Variants in SLC25A26 observed in about 807,000 individuals in gnomAD.
The protein encoded by SLC25A26 is mitochondrial S-adenosylmethionine carrier protein.
A neutral mutation model predicts 37.8 loss-of-function variants in SLC25A26; 36 were observed. That is an observed-to-expected ratio of 0.95 (90% CI 0.73 to 1.26). The LOEUF (loss-of-function observed/expected upper bound fraction) is 1.26. Ranked by LOEUF, SLC25A26 falls within the 50% of genes most tolerant of loss-of-function variation. The pLI, the probability that SLC25A26 is intolerant of heterozygous loss-of-function variation, is 0.00. For synonymous variants in SLC25A26, 129 were observed against 122.5 expected, an observed-to-expected ratio of 1.05 and a Z score of -0.35; for missense variants, 390 against 331.1, an observed-to-expected ratio of 1.18 and a Z score of -1.38.
intron 5 of SLC25A26, among the ~76,000 whole-genome samples, chr3:66,315,599 T>C (rs749917990): frequency 6.6e-6 from 1 of 152,200 alleles, no homozygotes; most frequent in Non-Finnish European, 1.5e-5. Flanking sequence ...TCTGTTGTTT[T>C]TGGGGAGAGA....
At chr3:66,320,709 A>G (rs902978762) in intron 5 of SLC25A26, among the ~76,000 whole-genome samples, 1 of 152,148 alleles carries the variant, frequency 6.6e-6, no homozygotes, top group Non-Finnish European at 1.5e-5. Flanking sequence ...CCAGCAATGT[A>G]TTAGGGTTCC....
rs1036568942 is a variant in SLC25A26, at chr3:66,143,586, TA to T, written c.-354+9612del. Among the ~76,000 whole-genome samples the T allele has an allele frequency of 7.8e-3, 1,169 of 150,820 alleles. 13 individuals carry two copies. Among genetic ancestry groups the T allele is most frequent in the African/African-American group, 0.027 (1,105 of 41,202 alleles). ...CAAAATGCAAATGAGGTCCCTCGTT[TA>T]AAAAAAAAATTATTGGCTGGGAACA... On this transcript the variant is annotated intron_variant, in intron 1 of 10. Coordinates refer to the SLC25A26 transcript ENST00000676754.
chr3:66,243,197 T>C lies in SLC25A26; in HGVS notation c.191-6T>C. On this transcript the variant is annotated splice_polypyrimidine_tract_variant and splice_region_variant and intron_variant, in intron 2 of 9. Coordinates refer to ENST00000354883, the MANE Select transcript of SLC25A26 (RefSeq NM_001379210.1). ...TTGTGAAAGACTGGCTTGTTTTAAA[T>C]TTCAGCTGCTGCATTTTTTATCACC... 6.5e-7 allele frequency: 1 copy of C among 1,535,630 alleles called. No homozygotes were observed. The highest frequency in any genetic ancestry group is 9.0e-7 in the Non-Finnish European group (1 of 1,116,712).
chr3:66,308,429 C>T (rs545486830), intron 5 of SLC25A26, among the ~76,000 whole-genome samples: 13 of 152,258 alleles, frequency 8.5e-5, no homozygotes, highest in South Asian at 8.3e-4. Context: ...TCAAAATATA[C>T]AATCTTGTTA....
At chr3:66,372,261 C>A (rs899284365) in intron 9 of SLC25A26, among the ~76,000 whole-genome samples, 2 of 152,206 alleles carry the variant, frequency 1.3e-5, no homozygotes, top group Non-Finnish European at 2.9e-5. Flanking sequence ...AACTGTTGGG[C>A]AAACCACTTC....
At chr3:66,172,117 G>C (rs1381391372) in intron 1 of SLC25A26, among the ~76,000 whole-genome samples, 1 of 151,992 alleles carries the variant, frequency 6.6e-6, no homozygotes, top group African/African-American at 2.4e-5. Context: ...ATTGGATTAA[G>C]TTTTAAAAAA....
intron 1 of SLC25A26, among the ~76,000 whole-genome samples, chr3:66,146,690 T>A (rs1334983496): frequency 6.6e-6 from 1 of 152,170 alleles, no homozygotes; most frequent in East Asian, 1.9e-4. Context: ...CAGGATTTTT[T>A]TAAAAATTTC....
chr3:66,361,219 A>C (rs552632151), intron 6 of SLC25A26, among the ~76,000 whole-genome samples: 3 of 152,248 alleles, frequency 2.0e-5, no homozygotes, highest in African/African-American at 7.2e-5. Context: ...TTCAATCTAC[A>C]TATTGTACCA....
upstream of SLC25A26, among the ~76,000 whole-genome samples, chr3:66,220,073 AG>A (rs2071427625): frequency 6.6e-6 from 1 of 152,238 alleles, no homozygotes; most frequent in Admixed American, 6.5e-5. Context: ...AGGCCAGGCA[AG>A]GAGCCTGCTC....
chr3:66,353,569 A>G (rs1355998241), intron 6 of SLC25A26, among the ~76,000 whole-genome samples: 1 of 152,226 alleles, frequency 6.6e-6, no homozygotes, highest in African/African-American at 2.4e-5. Context: ...TATACTCAAA[A>G]GTTGATAAAA....
At chr3:66,209,879 CCTCTCTCT>C (rs1371306688) in intron 1 of SLC25A26, among the ~76,000 whole-genome samples, 3 of 63,732 alleles carry the variant, frequency 4.7e-5, no homozygotes, top group African/African-American at 2.1e-4. Flanking sequence ...TATATATACT[CCTCTCTCT>C]CTCTCTCTAT....
At chr3:66,209,898 T>TTATTTATA (rs2071256959) in intron 1 of SLC25A26, among the ~76,000 whole-genome samples, 6 of 38,608 alleles carry the variant, frequency 1.6e-4, no homozygotes, top group South Asian at 1.2e-3. Context: ...CTCTCTCTAT[T>TTATTTATA]TATATATATA....
chr3:66,369,399 G>A, intron 7 of SLC25A26, 79 bp from the exon 8 acceptor site: 1 of 1,217,116 alleles, frequency 8.2e-7, no homozygotes, highest in Non-Finnish European at 1.2e-6. Flanking sequence ...AGTGATTTGG[G>A]CAGAGTCAGG....
intron 5 of SLC25A26, among the ~76,000 whole-genome samples, chr3:66,325,347 C>T (rs1290761904): frequency 6.6e-6 from 1 of 152,198 alleles, no homozygotes; most frequent in African/African-American, 2.4e-5. Context: ...CTCATGGATT[C>T]ATTTACAAAG....
chr3:66,275,254 G>T (rs2074098651), intron 5 of SLC25A26, among the ~76,000 whole-genome samples: 1 of 105,858 alleles, frequency 9.4e-6, no homozygotes, highest in African/African-American at 3.7e-5. Context: ...ATGTTGTGGG[G>T]TGGGGGGCGG....
At chr3:66,284,412 T>C (rs771079591) in intron 5 of SLC25A26, among the ~76,000 whole-genome samples, 4 of 152,122 alleles carry the variant, frequency 2.6e-5, no homozygotes, top group Non-Finnish European at 4.4e-5. Flanking sequence ...TCTGAAAAAA[T>C]AGTTTCATAT....
intron 1 of SLC25A26, among the ~76,000 whole-genome samples, chr3:66,207,869 A>G (rs2071201095): frequency 6.6e-6 from 1 of 152,202 alleles, no homozygotes; most frequent in African/African-American, 2.4e-5. Flanking sequence ...ATAATAGACA[A>G]TGTACTATTG....
intron 1 of SLC25A26, among the ~76,000 whole-genome samples, chr3:66,154,437 C>A (rs947040730): frequency 2.0e-5 from 3 of 151,886 alleles, no homozygotes; most frequent in Non-Finnish European, 4.4e-5. Flanking sequence ...ATGGAAGAGG[C>A]AATATTCTGT....
intron 1 of SLC25A26, among the ~76,000 whole-genome samples, chr3:66,153,666 G>T (rs146627430): frequency 2.6e-5 from 4 of 152,340 alleles, no homozygotes; most frequent in Non-Finnish European, 5.9e-5. Flanking sequence ...AACATCTTGA[G>T]CCAGGAATGC....
Sources: gnomAD v4.1 joint callset for allele counts (sites outside exome capture counted in the v4.1 genomes callset) on GRCh38, gnomAD v4.1.1 for gene constraint, MANE v1.5 for transcripts, NCBI Gene and HGNC (gene_info 2026-07-23, HGNC 2026-07-21) for gene names.